WWOX: variants seen among roughly 807,000 people sequenced by gnomAD.
WWOX encodes the protein WW domain-containing oxidoreductase.
Under a neutral mutation model 46.2 loss-of-function variants are expected in WWOX, and 69 were observed. The ratio of observed to expected loss-of-function variants is 1.49; its 90% CI spans 1.23 to 1.82. The LOEUF is 1.82. Ranked by LOEUF, WWOX falls within the 40% of genes most tolerant of loss-of-function variation. The probability of loss-of-function intolerance (pLI) is 0.00; values close to 1 mark genes in which losing one functional copy is unlikely to be tolerated. For missense variants in WWOX, 919 were observed against 542.6 expected (o/e 1.69, Z -6.89); for synonymous variants, 359 against 202.6 (o/e 1.77, Z -6.56).
chr16:78,961,512 G>C (rs947509508), intron 8 of WWOX, among the ~76,000 whole-genome samples: 18 of 151,942 alleles, frequency 1.2e-4, no homozygotes, highest in Non-Finnish European at 4.4e-5. Flanking sequence ...TGGGTGTGTG[G>C]AATGGTGGGT....
intron 8 of WWOX, among the ~76,000 whole-genome samples, chr16:78,691,796 G>T (rs149739878): frequency 5.7e-4 from 87 of 152,294 alleles, no homozygotes; most frequent in African/African-American, 2.1e-3. Context: ...CAGTTTATAG[G>T]TGAGTGATAT....
At chr16:79,044,099 G>A (rs1481062640) in intron 8 of WWOX, among the ~76,000 whole-genome samples, 1 of 152,150 alleles carries the variant, frequency 6.6e-6, no homozygotes, top group Non-Finnish European at 1.5e-5. Context: ...GCTCCCAAAG[G>A]GAGACTGAAA....
At chr16:79,120,732 CT>C (rs1567563284) in intron 8 of WWOX, among the ~76,000 whole-genome samples, 2 of 152,088 alleles carry the variant, frequency 1.3e-5, no homozygotes, top group African/African-American at 4.8e-5. Flanking sequence ...TTGGACTTCC[CT>C]TCTGTCTGTC....
intron 8 of WWOX, among the ~76,000 whole-genome samples, chr16:78,833,238 T>C (rs1168520623): frequency 6.6e-6 from 1 of 152,062 alleles, no homozygotes; most frequent in Non-Finnish European, 1.5e-5. Context: ...GAGATGGGGC[T>C]TGCTTGCTTT....
intron 8 of WWOX, among the ~76,000 whole-genome samples, chr16:78,704,002 G>C (rs1267843387): frequency 6.6e-6 from 1 of 152,078 alleles, no homozygotes; most frequent in Non-Finnish European, 1.5e-5. Context: ...GCATAAAAGG[G>C]CATTCCTGTT....
intron 8 of WWOX, among the ~76,000 whole-genome samples, chr16:78,489,552 A>G (rs2084727112): frequency 6.6e-6 from 1 of 152,162 alleles, no homozygotes; most frequent in Non-Finnish European, 1.5e-5. Context: ...TATGTACGTA[A>G]CACAAATGTT....
At chr16:78,404,245 A>C (rs1488724172) in intron 6 of WWOX, among the ~76,000 whole-genome samples, 2 of 152,150 alleles carry the variant, frequency 1.3e-5, no homozygotes, top group African/African-American at 4.8e-5. Context: ...TAGTGTGATG[A>C]AAGATGCTGG....
chr16:78,562,482 C>G (rs1396926840), intron 8 of WWOX, among the ~76,000 whole-genome samples: 1 of 152,210 alleles, frequency 6.6e-6, no homozygotes, highest in Non-Finnish European at 1.5e-5. Flanking sequence ...CCCCTAACCT[C>G]CCAGGTTCAT....
At chr16:78,700,187 T>A (rs569461589) in intron 8 of WWOX, among the ~76,000 whole-genome samples, 1 of 152,010 alleles carries the variant, frequency 6.6e-6, no homozygotes, top group Non-Finnish European at 1.5e-5. Flanking sequence ...TTGATTTTTT[T>A]TTTTTTCTCC....
Position 78,931,006 on chromosome 16 carries a change from C to A in WWOX, c.1057-280602C>A, listed in dbSNP as rs529775067. Among the ~76,000 whole-genome samples the A allele has an allele frequency of 1.3e-3, 192 of 152,292 alleles. 2 individuals carry two copies. Among genetic ancestry groups the A allele is most frequent in the African/African-American group, 4.5e-3 (188 of 41,554 alleles). ...TTCCTCATCCATAAGATGGGGATAG[C>A]AATATCTATCTCCTACACCTGATGT... On this transcript the variant is annotated intron_variant, in intron 8 of 8. Coordinates refer to ENST00000566780, the MANE Select transcript of WWOX (RefSeq NM_016373.4).
At chr16:78,169,204 T>C (rs552252811) in intron 5 of WWOX, among the ~76,000 whole-genome samples, 126 of 152,350 alleles carry the variant, frequency 8.3e-4, no homozygotes, top group African/African-American at 3.0e-3. Flanking sequence ...CGTTTTCCTG[T>C]GTATTCCAAG....
intron 8 of WWOX, chr16:78,503,772 C>G (rs1286641998): frequency 1.3e-5 from 2 of 152,194 alleles, no homozygotes; most frequent in Non-Finnish European, 2.9e-5. Flanking sequence ...GCGAGTATTT[C>G]TGATTCCTTC....
At chr16:79,094,093 C>T (rs1186646223) in intron 8 of WWOX, among the ~76,000 whole-genome samples, 2 of 152,186 alleles carry the variant, frequency 1.3e-5, no homozygotes, top group East Asian at 1.9e-4. Context: ...ACTCATCCCA[C>T]CTCCTCACTC....
intron 8 of WWOX, among the ~76,000 whole-genome samples, chr16:78,783,709 AGATGAGGGT>A: frequency 7.3e-6 from 1 of 136,280 alleles, no homozygotes; most frequent in Non-Finnish European, 1.6e-5. Context: ...ATGGTGATGA[AGATGAGGGT>A]GATGATGTTG....
intron 5 of WWOX, among the ~76,000 whole-genome samples, chr16:78,351,893 G>A (rs944526133): frequency 2.6e-5 from 4 of 152,154 alleles, no homozygotes; most frequent in Non-Finnish European, 1.5e-5. Context: ...GTGACCTTAG[G>A]TGATATGCGC....
At chr16:78,213,687 C>G (rs142922146) in intron 5 of WWOX, among the ~76,000 whole-genome samples, 219 of 152,038 alleles carry the variant, frequency 1.4e-3, no homozygotes, top group Non-Finnish European at 2.4e-3. Context: ...ACATTGGGGA[C>G]CAGAGACAGA....
chr16:78,243,952 T>C (rs186999341), intron 5 of WWOX, among the ~76,000 whole-genome samples: 185 of 152,388 alleles, frequency 1.2e-3, no homozygotes, highest in Non-Finnish European at 2.1e-3. Flanking sequence ...TCATTTAAGA[T>C]AATGAAGCTC....
chr16:78,370,303 G>C (rs2081642703), intron 5 of WWOX, among the ~76,000 whole-genome samples: 2 of 152,106 alleles, frequency 1.3e-5, no homozygotes, highest in Admixed American at 1.3e-4. Context: ...TTACCTCAGA[G>C]AGTTGTTAAA....
intron 8 of WWOX, among the ~76,000 whole-genome samples, chr16:78,887,080 GTGTGTGTGT>G (rs1567627159): frequency 0.16 from 20,142 of 122,422 alleles, 2,298 homozygotes; most frequent in Middle Eastern, 0.24. Flanking sequence ...TGTGTGTGGT[GTGTGTGTGT>G]GTGTGTGTGT....
Sources: gnomAD v4.1 joint callset for allele counts (sites outside exome capture counted in the v4.1 genomes callset) on GRCh38, gnomAD v4.1.1 for gene constraint, MANE v1.5 for transcripts, NCBI Gene and HGNC (gene_info 2026-07-23, HGNC 2026-07-21) for gene names.